The following TAFA2 variants were observed in gnomAD, a reference collection of about 807,000 sequenced individuals.
TAFA2 encodes the protein chemokine-like protein TAFA-2.
Under a neutral mutation model 18.8 loss-of-function variants are expected in TAFA2, and 7 were observed. The observed-to-expected ratio is 0.37, with a 90% CI of 0.21 to 0.70. TAFA2 has a LOEUF of 0.70. TAFA2 is among the 30% of genes least tolerant of loss of function. The pLI, the probability that TAFA2 is intolerant of heterozygous loss-of-function variation, is 0.53. For synonymous variants in TAFA2, 60 were observed against 54.2 expected, an observed-to-expected ratio of 1.11 and a Z score of -0.47; for missense variants, 122 against 158.1, an observed-to-expected ratio of 0.77 and a Z score of 1.23.
At chr12:62,251,145 A>C (rs2062911687) in intron 1 of TAFA2, among the ~76,000 whole-genome samples, 1 of 152,232 alleles carries the variant, frequency 6.6e-6, no homozygotes, top group African/African-American at 2.4e-5. Flanking sequence ...AATGGGCAGC[A>C]GGTAGTCATG....
At chr12:62,046,401 G>T (rs1042037182) in intron 1 of TAFA2, among the ~76,000 whole-genome samples, 3 of 151,814 alleles carry the variant, frequency 2.0e-5, no homozygotes, top group African/African-American at 7.3e-5. Context: ...AAAAAGATAT[G>T]CAGTACCTAA....
intron 4 of TAFA2, among the ~76,000 whole-genome samples, chr12:61,726,997 T>C (rs887855436): frequency 1.3e-5 from 2 of 152,120 alleles, no homozygotes; most frequent in African/African-American, 4.8e-5. Flanking sequence ...ATGTGATTTT[T>C]GTTTTTAATT....
At chr12:62,141,268 G>A (rs1193689042) in intron 1 of TAFA2, among the ~76,000 whole-genome samples, 2 of 152,204 alleles carry the variant, frequency 1.3e-5, no homozygotes, top group Non-Finnish European at 2.9e-5. Flanking sequence ...AAGCCTGTGT[G>A]TTCTGTCTAT....
intron 1 of TAFA2, among the ~76,000 whole-genome samples, chr12:62,007,308 C>A (rs538393651): frequency 3.9e-5 from 6 of 152,178 alleles, no homozygotes; most frequent in Non-Finnish European, 8.8e-5. Flanking sequence ...TTACCCTATA[C>A]GAAATCACCA....
intron 1 of TAFA2, among the ~76,000 whole-genome samples, chr12:62,009,974 A>T (rs1880675914): frequency 6.6e-6 from 1 of 152,220 alleles, no homozygotes; most frequent in African/African-American, 2.4e-5. Context: ...CTCCCCTGCC[A>T]GAAAAGAATA....
At chr12:62,136,310 C>G (rs943260032) in intron 1 of TAFA2, among the ~76,000 whole-genome samples, 1 of 152,080 alleles carries the variant, frequency 6.6e-6, no homozygotes, top group Non-Finnish European at 1.5e-5. Context: ...TATGGAGATA[C>G]AGATGAGCTA....
chr12:61,740,302 TG>T (rs1419931023), intron 4 of TAFA2, among the ~76,000 whole-genome samples: 4 of 149,130 alleles, frequency 2.7e-5, no homozygotes, highest in South Asian at 2.1e-4. Context: ...GACACAGGGG[TG>T]GGGGGGAATA....
intron 1 of TAFA2, among the ~76,000 whole-genome samples, chr12:62,090,381 T>C (rs1481964146): frequency 6.6e-6 from 1 of 152,024 alleles, no homozygotes; most frequent in Non-Finnish European, 1.5e-5. Flanking sequence ...GGACCACATA[T>C]CAAAATTATA....
At chr12:62,038,773 C>T (rs541034007) in intron 1 of TAFA2, among the ~76,000 whole-genome samples, 3 of 152,264 alleles carry the variant, frequency 2.0e-5, no homozygotes, top group South Asian at 2.1e-4. Flanking sequence ...AACAATACAA[C>T]GTTCCCAGGA....
intron 1 of TAFA2, among the ~76,000 whole-genome samples, chr12:62,094,005 A>C (rs1009629097): frequency 8.5e-5 from 13 of 152,064 alleles, no homozygotes; most frequent in Non-Finnish European, 8.8e-5. Context: ...TGTAGCCTCC[A>C]GGGTGGCTAC....
chr12:61,849,505 A>G (rs1873553780), intron 2 of TAFA2, among the ~76,000 whole-genome samples: 1 of 152,184 alleles, frequency 6.6e-6, no homozygotes, highest in Admixed American at 6.5e-5. Context: ...ATAATATCCA[A>G]ATATCATGGC....
At chr12:62,199,594 G>GTATATATA (rs527699166) in intron 1 of TAFA2, among the ~76,000 whole-genome samples, 3 of 150,208 alleles carry the variant, frequency 2.0e-5, no homozygotes, top group African/African-American at 7.3e-5. Context: ...GTATGTGTGT[G>GTATATATA]TATATATATA....
intron 1 of TAFA2, among the ~76,000 whole-genome samples, chr12:61,947,285 T>C (rs1249645161): frequency 1.4e-5 from 2 of 138,756 alleles, no homozygotes; most frequent in East Asian, 4.4e-4. Flanking sequence ...GGAAGGGGAA[T>C]ATCACACTCT....
intron 1 of TAFA2, among the ~76,000 whole-genome samples, chr12:62,142,620 G>C (rs1043519533): frequency 5.9e-5 from 9 of 152,164 alleles, no homozygotes; most frequent in African/African-American, 1.7e-4. Flanking sequence ...TAGGAGAAAA[G>C]TTCTACCCAA....
At chr12:61,871,101 GA>G (rs1277883152) in intron 1 of TAFA2, among the ~76,000 whole-genome samples, 3 of 152,202 alleles carry the variant, frequency 2.0e-5, no homozygotes, top group African/African-American at 7.2e-5. Flanking sequence ...AACAGGAAGT[GA>G]AAAAGAGTCG....
intron 1 of TAFA2, among the ~76,000 whole-genome samples, chr12:62,003,139 T>C (rs1248943369): frequency 6.6e-6 from 1 of 152,180 alleles, no homozygotes; most frequent in Non-Finnish European, 1.5e-5. Context: ...CCCCAGCTTC[T>C]ATCTTTCTCC....
intron 1 of TAFA2, among the ~76,000 whole-genome samples, chr12:62,041,728 T>C (rs1881761568): frequency 6.6e-6 from 1 of 152,066 alleles, no homozygotes; most frequent in Non-Finnish European, 1.5e-5. Context: ...AAACCATAGG[T>C]ACATTACAAT....
intron 2 of TAFA2, among the ~76,000 whole-genome samples, chr12:61,837,602 G>A (rs17604871): frequency 0.3 from 44,821 of 151,616 alleles, 7,098 homozygotes; most frequent in South Asian, 0.4. Context: ...GAAATTTTGT[G>A]ACTGGGTCCA....
chr12:62,147,622 T>C (rs1189233516), intron 1 of TAFA2, among the ~76,000 whole-genome samples: 5 of 147,150 alleles, frequency 3.4e-5, no homozygotes, highest in Admixed American at 2.7e-4. Flanking sequence ...CCCAGCTACT[T>C]GGGAGGCTGA....
Sources: allele counts gnomAD v4.1 joint callset (sites outside exome capture counted in the v4.1 genomes callset), GRCh38; gene constraint gnomAD v4.1.1; transcripts MANE v1.5; gene names NCBI Gene and HGNC (gene_info 2026-07-23, HGNC 2026-07-21).